Variants in CLN8 observed in about 807,000 individuals in gnomAD.
The protein encoded by CLN8 is CLN8 transmembrane ER and ERGIC protein, also known as protein CLN8.
In CLN8, 14 loss-of-function variants were observed where a neutral mutation model predicts 15.7. That is an observed-to-expected ratio of 0.89 (90% CI 0.59 to 1.39). The LOEUF (loss-of-function observed/expected upper bound fraction) is 1.39. CLN8 is among the 40% of genes most tolerant of loss of function. The pLI is 0.00. For synonymous variants in CLN8, 188 were observed against 151.0 expected (o/e 1.25, Z -1.80); for missense variants, 415 against 364.0 (o/e 1.14, Z -1.14).
upstream of CLN8, chr8:1,760,584 C>G (rs1175710384): frequency 6.6e-6 from 1 of 152,176 alleles, no homozygotes; most frequent in Non-Finnish European, 1.5e-5. Context: ...TAAATTCAAG[C>G]TGAAGAGCTT....
intron 1 of CLN8, among the ~76,000 whole-genome samples, chr8:1,766,208 A>T (rs903371796): frequency 6.6e-6 from 1 of 152,182 alleles, no homozygotes; most frequent in Non-Finnish European, 1.5e-5. Flanking sequence ...CTTTTTGTAT[A>T]CATTTTCTCC....
intron 2 of CLN8, among the ~76,000 whole-genome samples, chr8:1,778,625 T>G (rs1801603698): frequency 6.6e-6 from 1 of 152,118 alleles, no homozygotes; most frequent in African/African-American, 2.4e-5. Flanking sequence ...AAGTGCTTGG[T>G]ATGTTTGTGG....
At chr8:1,757,359 G>A (rs35054603) in intron 1 of CLN8, among the ~76,000 whole-genome samples, 1 of 152,222 alleles carries the variant, frequency 6.6e-6, no homozygotes, top group East Asian at 1.9e-4. Context: ...AGGGGGCGTA[G>A]AGGACAGTGT....
chr8:1,755,898 T>C (rs1800658971), exon 1 of CLN8: 1 of 152,206 alleles, frequency 6.6e-6, no homozygotes, highest in Admixed American at 6.5e-5. Context: ...ATTGCATGTC[T>C]CATCCCATCA....
intron 2 of CLN8, among the ~76,000 whole-genome samples, chr8:1,777,168 G>A (rs1426206793): frequency 6.6e-6 from 1 of 152,220 alleles, no homozygotes; most frequent in Admixed American, 6.5e-5. Flanking sequence ...GCATATGGCT[G>A]TACTGAATAC....
chr8:1,777,301 G>T (rs986383532), intron 2 of CLN8, among the ~76,000 whole-genome samples: 9 of 152,306 alleles, frequency 5.9e-5, no homozygotes, highest in Middle Eastern at 3.4e-3. Flanking sequence ...GCGTTCACTG[G>T]GAATGGAGCT....
rs371428999 is a variant in CLN8 at position 1,780,587 on chromosome 8, G to T, written c.*20G>T. On this transcript the variant is annotated 3_prime_UTR_variant, in exon 3 of 3. Coordinates refer to ENST00000331222, the MANE Select transcript of CLN8 (RefSeq NM_018941.4). The stretch of plus-strand genomic sequence containing the variant: ...CCATAGCTGCTCCAGCCGGGGCTCC[G>T]GGGCGGCAGCAGAGCTGGCACACCG... 6.2e-7 allele frequency: 1 copy of T among 1,610,338 alleles called. No homozygotes were observed.
Position 1,783,551 on chromosome 8 carries a change from A to C in CLN8, c.*2984A>C, listed in dbSNP as rs1801758670. On this transcript the variant is annotated 3_prime_UTR_variant, in exon 3 of 3. Coordinates refer to ENST00000331222, the MANE Select transcript of CLN8 (RefSeq NM_018941.4). ...TGTTTTGTTTCTTAAGTTGGGAAACAGAATGGGCCAGGGAGGTTGAGTGAC... is the reference window on the plus strand; with the variant it reads ...TGTTTTGTTTCTTAAGTTGGGAAACCGAATGGGCCAGGGAGGTTGAGTGAC... 6.6e-6 allele frequency: 1 copy of C among 152,132 alleles called. No individual in the cohort carries two copies. The highest frequency in any genetic ancestry group is 1.5e-5 in the Non-Finnish European group (1 of 68,074). 9.4% of individuals were successfully genotyped at this position (152,132 alleles called of 1,614,324 possible).
At chr8:1,776,029 A>G (rs1434017437) in intron 2 of CLN8, among the ~76,000 whole-genome samples, 2 of 152,200 alleles carry the variant, frequency 1.3e-5, no homozygotes, top group Non-Finnish European at 1.5e-5. Context: ...TCCAGCACAC[A>G]CGATAGAAGA....
chr8:1,776,764 G>C (rs554095562), intron 2 of CLN8, among the ~76,000 whole-genome samples: 2 of 152,234 alleles, frequency 1.3e-5, no homozygotes, highest in Non-Finnish European at 1.5e-5. Context: ...CCTGACTGCA[G>C]TGCACCCACA....
rs1801308401 is a variant in CLN8 at position 1,771,562 on chromosome 8, A to G, written c.508A>G (p.Thr170Ala). Reference sequence around the variant, plus strand: ...GACCACGTTGCTCCTGGAGATGAGCACGCCCTTTACCTGCGTTTCCTGGAT... The same window carrying G: ...GACCACGTTGCTCCTGGAGATGAGCGCGCCCTTTACCTGCGTTTCCTGGAT... ...AMTTLLLEMS[T>A]PFTCVSWMLL... The change falls in exon 2 of 3, where the codon ACG (threonine) becomes GCG (alanine). Residue 170 changes from threonine (T) to alanine (A), a missense_variant. Physicochemically the swap from Thr to Ala is moderately conservative, Grantham distance 58 (BLOSUM62 0). Coordinates refer to ENST00000331222, the MANE Select transcript of CLN8 (RefSeq NM_018941.4). The G allele has an allele frequency of 6.2e-7, 1 of 1,613,914 alleles. No homozygotes were observed. Among genetic ancestry groups the G allele is most frequent in the Non-Finnish European group, 8.5e-7 (1 of 1,180,030 alleles).
Position 1,775,348 on chromosome 8 carries a change from C to A in CLN8, c.543+3751C>A, listed in dbSNP as rs183453993. On this transcript the variant is annotated intron_variant, in intron 2 of 2. Coordinates refer to ENST00000331222, the MANE Select transcript of CLN8 (RefSeq NM_018941.4). ...ATCTGCAGGGAGCCCAGGAACCAGT[C>A]CCCCAAGGATACTGAGGGTGACTGT... 3.9e-5 allele frequency among the ~76,000 whole-genome samples: 6 copies of A among 152,208 alleles called. No individual in the cohort carries two copies. The East Asian group carries it at 1.2e-3, about 29-fold the overall frequency.
intron 2 of CLN8, 71 bp downstream of exon 2, chr8:1,771,668 G>A (rs1374486834): frequency 2.4e-5 from 35 of 1,434,830 alleles, no homozygotes; most frequent in Non-Finnish European, 3.0e-5. Context: ...TGTCCTGGAC[G>A]CTGCCATAAA....
At chr8:1,760,993 T>G (rs992608827), upstream of CLN8, among the ~76,000 whole-genome samples, 2 of 149,572 alleles carry the variant, frequency 1.3e-5, no homozygotes, top group Non-Finnish European at 3.0e-5. Context: ...TAACTACATC[T>G]AAGCATGACT....
At chr8:1,755,345 A>T (rs563021527), upstream of CLN8, among the ~76,000 whole-genome samples, 1 of 152,090 alleles carries the variant, frequency 6.6e-6, no homozygotes, top group Admixed American at 6.5e-5. Flanking sequence ...CAGAGATTGG[A>T]TCCCCACCCG....
intron 2 of CLN8, chr8:1,780,007 G>C (rs1801658552): frequency 7.1e-6 from 7 of 985,486 alleles, no homozygotes; most frequent in Non-Finnish European, 8.4e-6. Context: ...AAGAGCAAGA[G>C]GAGCAGGAAA....
rs374522261 is a variant in CLN8 at position 1,771,009 on chromosome 8, C to T, written c.-46C>T. The T allele has an allele frequency of 7.1e-5, 113 of 1,592,354 alleles. 1 individual carries two copies. Among genetic ancestry groups the T allele is most frequent in the East Asian group, 3.6e-4 (16 of 44,782 alleles). On this transcript the variant is annotated 5_prime_UTR_variant, in exon 2 of 3. Transcript: ENST00000331222. ...CTTAGACAAGACACAGTGTAGGGCC[C>T]GGCCCGTGTTGGCCCCAGGACTCCT... is the stretch of plus-strand genomic sequence containing the variant.
chr8:1,782,702 T>A lies in CLN8; in HGVS notation c.*2135T>A, dbSNP rs73672963. ...GTGACTGATGTTTACAGAACCCAAA[T>A]GATGTCTTCCTCTCTCTCAAAATAA... On this transcript the variant is annotated 3_prime_UTR_variant, in exon 3 of 3. Coordinates refer to ENST00000331222, the MANE Select transcript of CLN8 (RefSeq NM_018941.4). 199 of 152,342 alleles carry A rather than the reference T, an allele frequency of 1.3e-3. No homozygotes were observed. The highest frequency in any genetic ancestry group is 4.6e-3 in the African/African-American group (192 of 41,572). 9.4% of individuals were successfully genotyped at this position (152,342 alleles called of 1,614,324 possible). A position where few individuals can be genotyped will look rare whatever the true frequency, so the allele number is the denominator to read the frequency against.
rs757793660 is a variant in CLN8, at chr8:1,771,203, A to G, written c.149A>G (p.Asn50Ser). Reference sequence around the variant, plus strand: ...TGCCACCAGCTGTCCTCTTCCCTGAATGCCACTTACCGTTCTTTGGTGGCC... The same window carrying G: ...TGCCACCAGCTGTCCTCTTCCCTGAGTGCCACTTACCGTTCTTTGGTGGCC... ...VVCHQLSSSL[N>S]ATYRSLVARE... The change falls in exon 2 of 3, where the codon AAT (asparagine) becomes AGT (serine). Residue 50 changes from asparagine (N) to serine (S), a missense_variant. Transcript: ENST00000331222. The G allele has an allele frequency of 1.2e-6, 2 of 1,613,978 alleles. No individual in the cohort carries two copies. The highest frequency in any genetic ancestry group is 1.7e-6 in the Non-Finnish European group (2 of 1,179,994).
Sources: allele counts gnomAD v4.1 joint callset (sites outside exome capture counted in the v4.1 genomes callset), GRCh38; gene constraint gnomAD v4.1.1; transcripts MANE v1.5; gene names NCBI Gene and HGNC (gene_info 2026-07-23, HGNC 2026-07-21).